The following PLCXD3 variants were observed in gnomAD, a reference collection of about 807,000 sequenced individuals.
The protein encoded by PLCXD3 is PI-PLC X domain-containing protein 3.
Under a neutral mutation model 25.5 loss-of-function variants are expected in PLCXD3, and 19 were observed. That is an observed-to-expected ratio of 0.75 (90% CI 0.52 to 1.09). The LOEUF (loss-of-function observed/expected upper bound fraction) is 1.09, where lower values mean the gene tolerates loss of function less well. Ranked by LOEUF, PLCXD3 falls within the 50% of genes least tolerant of loss-of-function variation. The probability of loss-of-function intolerance (pLI) is 0.00; values close to 1 mark genes in which losing one functional copy is unlikely to be tolerated. For missense variants in PLCXD3, 411 were observed against 388.1 expected, an observed-to-expected ratio of 1.06 and a Z score of -0.50; for synonymous variants, 174 against 137.6, an observed-to-expected ratio of 1.26 and a Z score of -1.85.
At chr5:41,332,057 G>A (rs866540854) in intron 2 of PLCXD3, among the ~76,000 whole-genome samples, 3 of 151,928 alleles carry the variant, frequency 2.0e-5, no homozygotes, top group Non-Finnish European at 2.9e-5. Context: ...TCTAAAACAC[G>A]AAAAGCAATG....
In PLCXD3 at chr5:41,486,956, T is replaced by A. The variant is rs576838209; in HGVS notation, c.103+23468A>T. On this transcript the variant is annotated intron_variant, in intron 1 of 2. Transcript: ENST00000377801. The stretch of plus-strand genomic sequence containing the variant: ...GAATCCCCCAACCGTTTTACAGATG[T>A]AACACCTGATCCTACTTGAATTACC... Among the ~76,000 whole-genome samples, 6 of 152,272 alleles carry A rather than the reference T, an allele frequency of 3.9e-5. No individual in the cohort carries two copies. The East Asian group carries it at 1.2e-3, about 29-fold the overall frequency.
intron 2 of PLCXD3, among the ~76,000 whole-genome samples, chr5:41,374,136 T>C (rs1745208878): frequency 6.6e-6 from 1 of 152,036 alleles, no homozygotes; most frequent in African/African-American, 2.4e-5. Context: ...TAAAACCAGG[T>C]TATTTTGTCA....
chr5:41,420,909 C>A (rs1425962259), intron 1 of PLCXD3, among the ~76,000 whole-genome samples: 1 of 152,134 alleles, frequency 6.6e-6, no homozygotes, highest in East Asian at 1.9e-4. Flanking sequence ...TTATGTGAGG[C>A]TACAGATAAT....
At chr5:41,401,379 A>G (rs1314548276) in intron 1 of PLCXD3, among the ~76,000 whole-genome samples, 4 of 152,084 alleles carry the variant, frequency 2.6e-5, no homozygotes, top group South Asian at 2.1e-4. Flanking sequence ...GTTAGTTACT[A>G]TGGATGACAC....
rs182545350 is a variant in PLCXD3, at chr5:41,412,256, A to G, written c.104-29722T>C. On this transcript the variant is annotated intron_variant, in intron 1 of 2. Coordinates refer to ENST00000377801, the MANE Select transcript of PLCXD3 (RefSeq NM_001005473.3). ...GGTTACAACATCAATGTTTTTCCGT[A>G]GTATTACATAGTCTTCAAACATTGT... 2.0e-5 allele frequency among the ~76,000 whole-genome samples: 3 copies of G among 152,300 alleles called. No homozygotes were observed. In the East Asian group the frequency reaches 5.8e-4, roughly 29 times the overall value.
At chr5:41,438,451 C>T (rs1031723186) in intron 1 of PLCXD3, among the ~76,000 whole-genome samples, 16 of 152,272 alleles carry the variant, frequency 1.1e-4, no homozygotes, top group African/African-American at 3.4e-4. Context: ...TGCCCACCTG[C>T]ACGCTGGGAG....
intron 2 of PLCXD3, among the ~76,000 whole-genome samples, chr5:41,321,076 A>G (rs778003443): frequency 3.9e-5 from 6 of 152,232 alleles, no homozygotes; most frequent in Non-Finnish European, 7.3e-5. Context: ...GTTATTCAAA[A>G]TAGTACTGGA....
chr5:41,433,979 A>C (rs1697062740), intron 1 of PLCXD3, among the ~76,000 whole-genome samples: 1 of 152,200 alleles, frequency 6.6e-6, no homozygotes, highest in Admixed American at 6.5e-5. Context: ...ACCTGATGGG[A>C]GCCAATGGGA....
intron 2 of PLCXD3, among the ~76,000 whole-genome samples, chr5:41,370,250 A>C (rs1745052986): frequency 6.6e-6 from 1 of 152,228 alleles, no homozygotes; most frequent in Non-Finnish European, 1.5e-5. Flanking sequence ...GCAATAGGCT[A>C]CAATCCCAGA....
In PLCXD3 at chr5:41,508,576, G is replaced by A. The variant is rs1255814864; in HGVS notation, c.103+1848C>T. 1.3e-4 allele frequency among the ~76,000 whole-genome samples: 20 copies of A among 152,318 alleles called. No homozygotes were observed. In the South Asian group the frequency reaches 3.7e-3, roughly 28 times the overall value. On this transcript the variant is annotated intron_variant, in intron 1 of 2. Transcript: ENST00000377801. ...ATTTTGTGAGCTGGTGTACATAACA[G>A]GGCTTTGAAAAGTGAAATATTACAG...
intron 2 of PLCXD3, among the ~76,000 whole-genome samples, chr5:41,379,178 C>T (rs148772759): frequency 3.7e-4 from 56 of 152,160 alleles, no homozygotes; most frequent in Non-Finnish European, 6.6e-4. Context: ...CAGTTCCCTG[C>T]CAGGCTCCTG....
chr5:41,509,328 G>A (rs1212445743), intron 1 of PLCXD3, among the ~76,000 whole-genome samples: 2 of 152,056 alleles, frequency 1.3e-5, no homozygotes, highest in African/African-American at 4.8e-5. Context: ...GCCCAGCTCT[G>A]AAAAGATCAA....
chr5:41,358,827 T>G (rs1266755072), intron 2 of PLCXD3, among the ~76,000 whole-genome samples: 1 of 152,214 alleles, frequency 6.6e-6, no homozygotes, highest in Admixed American at 6.5e-5. Context: ...AACTTTTCCC[T>G]GTTTAATCTT....
chr5:41,439,555 C>A (rs1461035702), intron 1 of PLCXD3, among the ~76,000 whole-genome samples: 1 of 151,978 alleles, frequency 6.6e-6, no homozygotes, highest in South Asian at 2.1e-4. Context: ...CAAGAGGTGG[C>A]CTTGAGAATA....
chr5:41,507,687 G>A (rs190715039), intron 1 of PLCXD3, among the ~76,000 whole-genome samples: 36 of 152,288 alleles, frequency 2.4e-4, no homozygotes, highest in African/African-American at 4.8e-4. Context: ...TTTTCCAGCC[G>A]CTTTACCTAA....
At chr5:41,386,460 G>A (rs1745637812) in intron 1 of PLCXD3, among the ~76,000 whole-genome samples, 1 of 152,088 alleles carries the variant, frequency 6.6e-6, no homozygotes, top group South Asian at 2.1e-4. Flanking sequence ...ATGGTAGGAA[G>A]ATTGCCCCCA....
chr5:41,349,580 A>G (rs1416744537), intron 2 of PLCXD3, among the ~76,000 whole-genome samples: 2 of 152,230 alleles, frequency 1.3e-5, no homozygotes, highest in African/African-American at 4.8e-5. Flanking sequence ...GGAGTTGAAG[A>G]TGAAGAACTG....
chr5:41,341,259 A>G (rs1744139352), intron 2 of PLCXD3, among the ~76,000 whole-genome samples: 1 of 152,178 alleles, frequency 6.6e-6, no homozygotes, highest in South Asian at 2.1e-4. Flanking sequence ...GCATGTCTAC[A>G]CTGCCATGCT....
intron 1 of PLCXD3, chr5:41,456,615 C>T: frequency 1.3e-6 from 1 of 750,672 alleles, no homozygotes; most frequent in Non-Finnish European, 1.6e-6. Context: ...ATGTTGAAAT[C>T]TGTTCCCTAA....
Sources: allele counts gnomAD v4.1 joint callset (sites outside exome capture counted in the v4.1 genomes callset), GRCh38; gene constraint gnomAD v4.1.1; transcripts MANE v1.5; gene names NCBI Gene and HGNC (gene_info 2026-07-23, HGNC 2026-07-21).